Variants in PANK2 observed in about 807,000 individuals in gnomAD.
PANK2 encodes the protein pantothenate kinase 2, mitochondrial.
A neutral mutation model predicts 43.1 loss-of-function variants in PANK2; 36 were observed. The ratio of observed to expected loss-of-function variants is 0.84; its 90% confidence interval spans 0.64 to 1.10. The LOEUF (loss-of-function observed/expected upper bound fraction) is 1.10. PANK2 is among the 50% of genes least tolerant of loss of function. The pLI is 0.00. For synonymous variants in PANK2, 281 were observed against 238.2 expected, an observed-to-expected ratio of 1.18 and a Z score of -1.66; for missense variants, 576 against 593.3, an observed-to-expected ratio of 0.97 and a Z score of 0.30.
rs776190663 is a variant in PANK2 at position 3,907,895 on chromosome 20, C to T, written c.299-31C>T. ...GGTAAATTTAATTTTCAGAAAAAAG[C>T]TGTTCTGACTTATTTTTCTTCCCCA... On this transcript the variant is annotated intron_variant, in intron 1 of 6. Transcript: ENST00000610179. 3 of 1,584,366 alleles carry T rather than the reference C, an allele frequency of 1.9e-6. No homozygotes were observed. The South Asian group carries it at 3.3e-5, about 18-fold the overall frequency.
chr20:3,888,838 C>G (rs1207179790), upstream of PANK2: 1 of 471,702 alleles, frequency 2.1e-6, no homozygotes, highest in Non-Finnish European at 3.8e-6. Context: ...TTAGCCCAAA[C>G]ATGCTGGGGG....
chr20:3,926,070 A>T lies in PANK2; in HGVS notation c.*2776A>T, dbSNP rs908803088. The T allele has an allele frequency of 1.3e-5, 2 of 152,380 alleles. No individual in the cohort carries two copies. Among genetic ancestry groups the T allele is most frequent in the Non-Finnish European group, 2.9e-5 (2 of 68,214 alleles). The allele number at this position is 152,380 out of a possible 1,614,324, so 9.4% of individuals were successfully genotyped here. A position where few individuals can be genotyped will look rare whatever the true frequency, so the allele number is the denominator to read the frequency against. ...GCCAGAATGGAGAGGGGAGAAGTGG[A>T]TGGCCAGAATGGAGAGATGCTTAGA... On this transcript the variant is annotated 3_prime_UTR_variant, in exon 7 of 7. Coordinates refer to ENST00000610179, the MANE Select transcript of PANK2 (RefSeq NM_001386393.1).
At chr20:3,892,599 C>A (rs1297012561) in intron 1 of PANK2, among the ~76,000 whole-genome samples, 1 of 144,246 alleles carries the variant, frequency 6.9e-6, no homozygotes, top group Non-Finnish European at 1.5e-5. Flanking sequence ...TTGCTTGAAC[C>A]CGGGAGGCAG....
chr20:3,915,848 T>C (rs1286075647), intron 4 of PANK2, among the ~76,000 whole-genome samples: 1 of 152,218 alleles, frequency 6.6e-6, no homozygotes, highest in Non-Finnish European at 1.5e-5. Flanking sequence ...TGTCTGTTTT[T>C]ATACCAGTAC....
intron 2 of PANK2, 74 bp downstream of exon 2, chr20:3,908,352 A>G: frequency 7.6e-7 from 1 of 1,312,518 alleles, no homozygotes; most frequent in Non-Finnish European, 1.1e-6. Context: ...CAAGTGGTGA[A>G]ATAATTTCCA....
rs954656349 is a variant in PANK2, at chr20:3,925,576, C to T, written c.*2282C>T. On this transcript the variant is annotated 3_prime_UTR_variant, in exon 7 of 7. Coordinates refer to ENST00000610179, the MANE Select transcript of PANK2 (RefSeq NM_001386393.1). ...TAGGCCACCAGTGAATCCCATGCCA[C>T]CGAATCTGGCATTCATTTCACAGCC... 3.3e-5 allele frequency: 5 copies of T among 152,232 alleles called. No homozygotes were observed. Among genetic ancestry groups the T allele is most frequent in the Non-Finnish European group, 7.3e-5 (5 of 68,094 alleles). The allele number at this position is 152,232 out of a possible 1,614,324, so 9.4% of individuals were successfully genotyped here. A position where few individuals can be genotyped will look rare whatever the true frequency, so the allele number is the denominator to read the frequency against.
At chr20:3,911,725 C>G (rs1015426507) in intron 3 of PANK2, among the ~76,000 whole-genome samples, 2 of 150,334 alleles carry the variant, frequency 1.3e-5, no homozygotes, top group Non-Finnish European at 3.0e-5. Flanking sequence ...AACCCCATCT[C>G]TACTAAAAAT....
rs796116418 is a variant in PANK2 at position 3,928,740 on chromosome 20, T to C, written c.*5446T>C. 5.2e-5 allele frequency: 4 copies of C among 77,394 alleles called. No individual in the cohort carries two copies. The highest frequency in any genetic ancestry group is 5.1e-4 in the South Asian group (1 of 1,970). 4.8% of individuals were successfully genotyped at this position (77,394 alleles called of 1,614,324 possible). ...TCCAGCCTGGGTGACAGAGCGAGACTCCGTCTCAAAAAAAAAAAAAAAAAA... is the reference window on the plus strand; with the variant it reads ...TCCAGCCTGGGTGACAGAGCGAGACCCCGTCTCAAAAAAAAAAAAAAAAAA... On this transcript the variant is annotated 3_prime_UTR_variant, in exon 7 of 7. Coordinates refer to ENST00000610179, the MANE Select transcript of PANK2 (RefSeq NM_001386393.1).
Position 3,912,822 on chromosome 20 carries a change from C to T in PANK2, c.1082+188C>T, listed in dbSNP as rs112681993. 6.5e-3 allele frequency among the ~76,000 whole-genome samples: 974 copies of T among 150,828 alleles called. 3 individuals are homozygous for T. The highest frequency in any genetic ancestry group is 0.01 in the Non-Finnish European group (706 of 67,786). On this transcript the variant is annotated intron_variant, in intron 4 of 6. Transcript: ENST00000610179. ...AAAATTAGCTAGGCATGGTGGTGCGCGCCTGTAGACCCAGGTACTTGGGAG... is the reference window on the plus strand; with the variant it reads ...AAAATTAGCTAGGCATGGTGGTGCGTGCCTGTAGACCCAGGTACTTGGGAG...
intron 1 of PANK2, among the ~76,000 whole-genome samples, chr20:3,894,450 G>A (rs6052150): frequency 3.3e-5 from 5 of 151,578 alleles, no homozygotes; most frequent in Non-Finnish European, 5.9e-5. Context: ...ATGTTGGTCA[G>A]GCTGGTCTTG....
chr20:3,910,426 C>T (rs149050206), intron 2 of PANK2, 151 bp from the exon 3 acceptor site: 21 of 852,146 alleles, frequency 2.5e-5, no homozygotes, highest in Middle Eastern at 3.3e-4. Context: ...TAGGTTTGCT[C>T]CTAAATCTGT....
At chr20:3,919,478 T>G (rs1482158076) in intron 6 of PANK2, among the ~76,000 whole-genome samples, 1 of 152,222 alleles carries the variant, frequency 6.6e-6, no homozygotes, top group Non-Finnish European at 1.5e-5. Context: ...CTTGTGCCAG[T>G]TATTTAAGAT....
chr20:3,897,761 C>G (rs1383850784), intron 1 of PANK2, among the ~76,000 whole-genome samples: 1 of 152,054 alleles, frequency 6.6e-6, no homozygotes, highest in Non-Finnish European at 1.5e-5. Flanking sequence ...AATCCTAGCA[C>G]TTTGGGAGGC....
chr20:3,911,992 T>C (rs1328294620), intron 3 of PANK2, among the ~76,000 whole-genome samples: 4 of 152,138 alleles, frequency 2.6e-5, no homozygotes, highest in Non-Finnish European at 2.9e-5. Context: ...GGATAAACAA[T>C]TTTTTTAAAA....
intron 4 of PANK2, among the ~76,000 whole-genome samples, chr20:3,914,560 A>G (rs1046954712): frequency 6.6e-5 from 10 of 150,950 alleles, no homozygotes; most frequent in African/African-American, 2.4e-4. Flanking sequence ...TGGCTTCCCA[A>G]CATGTTGGGA....
intron 2 of PANK2, 142 bp downstream of exon 2, chr20:3,908,420 T>TAG: frequency 4.7e-6 from 4 of 848,968 alleles, no homozygotes; most frequent in Non-Finnish European, 7.3e-6. Context: ...ACGCTAGTGA[T>TAG]AGGAGTTGGC....
At chr20:3,909,792 C>T (rs1476958826) in intron 2 of PANK2, among the ~76,000 whole-genome samples, 2 of 151,600 alleles carry the variant, frequency 1.3e-5, no homozygotes, top group Non-Finnish European at 2.9e-5. Context: ...CTGGGTTTCA[C>T]CATGTTGGCC....
Position 3,914,505 on chromosome 20 carries a change from GC to G in PANK2, c.1082+1872del, listed in dbSNP as rs2090528010. 2.6e-5 allele frequency among the ~76,000 whole-genome samples: 4 copies of G among 151,786 alleles called. No homozygotes were observed. In the South Asian group the frequency reaches 8.3e-4, roughly 32 times the overall value. Reference sequence around the variant, plus strand: ...TTTTTTTTTGTAGAGATAGGGTCTTGCTATGTTGCCTAGGCTGTCCTGGCCT... The same window carrying G: ...TTTTTTTTTGTAGAGATAGGGTCTTGTATGTTGCCTAGGCTGTCCTGGCCT... On this transcript the variant is annotated intron_variant, in intron 4 of 6. Transcript: ENST00000610179.
intron 4 of PANK2, among the ~76,000 whole-genome samples, chr20:3,915,916 A>T (rs1008103208): frequency 1.6e-4 from 25 of 152,234 alleles, no homozygotes; most frequent in Admixed American, 1.6e-3. Context: ...AGTGTGAGTC[A>T]TCCAACTTGT....
Sources: allele counts gnomAD v4.1 joint callset (sites outside exome capture counted in the v4.1 genomes callset), GRCh38; gene constraint gnomAD v4.1.1; transcripts MANE v1.5; gene names NCBI Gene and HGNC (gene_info 2026-07-23, HGNC 2026-07-21).